Variants in RBBP8 observed in about 807,000 individuals in gnomAD.
RBBP8 encodes DNA endonuclease RBBP8.
In RBBP8, 88 loss-of-function variants were observed where a neutral mutation model predicts 108.3. The ratio of observed to expected loss-of-function variants is 0.81; its 90% CI spans 0.68 to 0.97. The LOEUF (loss-of-function observed/expected upper bound fraction) is 0.97. Among genes scored for constraint, RBBP8 ranks in the 50% least tolerant of loss-of-function variants. The pLI is 0.00. For synonymous variants in RBBP8, 332 were observed against 348.2 expected (o/e 0.95, Z 0.52); for missense variants, 1,023 against 1,049.0 (o/e 0.98, Z 0.34).
At chr18:22,975,801 C>G (rs944105557) in intron 6 of RBBP8, among the ~76,000 whole-genome samples, 5 of 152,064 alleles carry the variant, frequency 3.3e-5, no homozygotes, top group Non-Finnish European at 7.4e-5. Flanking sequence ...ACTTGCCTGT[C>G]GTCTTACAGC....
chr18:22,938,157 G>C (rs370106778), intron 2 of RBBP8, among the ~76,000 whole-genome samples: 1 of 151,900 alleles, frequency 6.6e-6, no homozygotes, highest in Non-Finnish European at 1.5e-5. Flanking sequence ...TTTGAGACAG[G>C]GTCTTGCTTT....
intron 18 of RBBP8, among the ~76,000 whole-genome samples, chr18:23,024,069 G>T (rs71360505): frequency 1.6e-5 from 2 of 127,534 alleles, no homozygotes; most frequent in Non-Finnish European, 3.2e-5. Context: ...TTTTCTAGTA[G>T]AGACGGGGTT....
At chr18:23,023,055 C>T (rs2046399294) in intron 18 of RBBP8, among the ~76,000 whole-genome samples, 1 of 151,728 alleles carries the variant, frequency 6.6e-6, no homozygotes. Flanking sequence ...TGCCGCCATA[C>T]CCAGCACTTT....
chr18:22,937,410 T>G (rs1261980574), intron 2 of RBBP8, among the ~76,000 whole-genome samples: 4 of 152,238 alleles, frequency 2.6e-5, no homozygotes, highest in African/African-American at 9.6e-5. Flanking sequence ...TTCCATGATG[T>G]ATATATACTT....
In RBBP8 at chr18:22,942,308, T is replaced by C. The variant is rs760750551; in HGVS notation, c.110-4136T>C. 4.5e-4 allele frequency among the ~76,000 whole-genome samples: 68 copies of C among 152,146 alleles called. 2 individuals are homozygous for C. The highest frequency in any genetic ancestry group is 1.6e-4 in the Non-Finnish European group (11 of 68,034). On this transcript the variant is annotated intron_variant, in intron 2 of 18. Coordinates refer to ENST00000327155, the MANE Select transcript of RBBP8 (RefSeq NM_002894.3). ...GTACCCATAGGAACTTGCTTGAATC[T>C]GAATGCTCTGCTACACGTGTTTAGA...
chr18:22,949,626 A>G lies in RBBP8; in HGVS notation c.161A>G (p.Gln54Arg). ...TATTTTTTGACCTTTAGAGATGCAC[A>G]AAGACTAGAAGAATTCTTCACCAAA... ...KLKQERILDA[Q>R]RLEEFFTKNQ... Residue 54 changes from glutamine (Q) to arginine (R), a missense_variant, in exon 4 of 19, where the codon CAA becomes CGA. Gln to Arg is a conservative substitution (Grantham distance 43, BLOSUM62 1). Coordinates refer to ENST00000327155, the MANE Select transcript of RBBP8 (RefSeq NM_002894.3). 6.2e-7 allele frequency: 1 copy of G among 1,610,552 alleles called. No homozygotes were observed. Among genetic ancestry groups the G allele is most frequent in the Non-Finnish European group, 8.5e-7 (1 of 1,177,234 alleles).
intron 1 of RBBP8, among the ~76,000 whole-genome samples, chr18:22,934,992 A>G (rs1598631135): frequency 1.3e-5 from 2 of 148,424 alleles, no homozygotes; most frequent in African/African-American, 2.4e-5. Context: ...TACAAATATT[A>G]ATATTAATAT....
At chr18:22,926,766 C>T (rs1346454878) in intron 3 of RBBP8, among the ~76,000 whole-genome samples, 1 of 152,182 alleles carries the variant, frequency 6.6e-6, no homozygotes, top group East Asian at 1.9e-4. Context: ...GGCCAGGCTA[C>T]ACGAGACTAA....
intron 12 of RBBP8, 147 bp from the exon 13 acceptor site, chr18:22,996,225 TGA>T (rs1451144108): frequency 6.9e-6 from 9 of 1,298,594 alleles, no homozygotes; most frequent in Non-Finnish European, 8.2e-6. Flanking sequence ...TATGGAGCTG[TGA>T]GAGTTCTTTA....
intron 2 of RBBP8, among the ~76,000 whole-genome samples, chr18:22,946,124 A>T (rs1023413049): frequency 2.6e-5 from 4 of 152,344 alleles, no homozygotes; most frequent in Middle Eastern, 3.4e-3. Flanking sequence ...CATTGCTGTT[A>T]GCAAATACAC....
At chr18:22,930,930 T>A (rs1910000795), upstream of RBBP8, among the ~76,000 whole-genome samples, 1 of 151,992 alleles carries the variant, frequency 6.6e-6, no homozygotes, top group Non-Finnish European at 1.5e-5. Context: ...AACCACTGTG[T>A]CCAGCTATTT....
intron 12 of RBBP8, among the ~76,000 whole-genome samples, chr18:22,995,030 T>C (rs1160308828): frequency 4.6e-5 from 7 of 152,120 alleles, no homozygotes. Context: ...CCCAGCCTGC[T>C]ATCTTTAAAA....
At chr18:22,951,932 C>G (rs1912082944) in intron 4 of RBBP8, among the ~76,000 whole-genome samples, 1 of 152,186 alleles carries the variant, frequency 6.6e-6, no homozygotes, top group South Asian at 2.1e-4. Flanking sequence ...AGTTGGGGTG[C>G]TGTCTTAACT....
intron 3 of RBBP8, among the ~76,000 whole-genome samples, chr18:22,924,990 C>A (rs1435839803): frequency 6.6e-6 from 1 of 151,810 alleles, no homozygotes; most frequent in African/African-American, 2.4e-5. Flanking sequence ...CTCAAGCAAT[C>A]CTCCCATCTT....
rs745779938 is a variant in RBBP8 at position 22,997,612 on chromosome 18, T to G, written c.2029-8T>G. The G allele has an allele frequency of 9.7e-6, 15 of 1,539,214 alleles. 2 individuals are homozygous for G. The South Asian group carries it at 1.8e-4, about 18-fold the overall frequency. On this transcript the variant is annotated splice_region_variant and splice_polypyrimidine_tract_variant and intron_variant, in intron 13 of 18. Coordinates refer to ENST00000327155, the MANE Select transcript of RBBP8 (RefSeq NM_002894.3). ...TTAAAATTTTTGATTTTTAAAATAT[T>G]TATTTAGGATGGCAGTCAGTCAAAA...
chr18:23,023,186 C>G (rs553849313), intron 18 of RBBP8, among the ~76,000 whole-genome samples: 12 of 152,082 alleles, frequency 7.9e-5, no homozygotes, highest in Non-Finnish European at 1.3e-4. Flanking sequence ...CCATGAGCCA[C>G]TGCACCCAGC....
rs796853895 is a variant in RBBP8, at chr18:22,966,719, C to CTT, written c.249-2066_249-2065dup. The stretch of plus-strand genomic sequence containing the variant: ...CCACAGACACTTAAATACTTACTAT[C>CTT]TTTTTTTTTTTTTTTTTTTTTTGGA... On this transcript the variant is annotated intron_variant, in intron 4 of 18. Coordinates refer to ENST00000327155, the MANE Select transcript of RBBP8 (RefSeq NM_002894.3). 5.9e-3 allele frequency among the ~76,000 whole-genome samples: 749 copies of CTT among 127,988 alleles called. 12 individuals carry two copies. The highest frequency in any genetic ancestry group is 0.013 in the Middle Eastern group (3 of 224). The allele number at this position is 127,988 out of a possible 152,430, so 84.0% of individuals were successfully genotyped here. A position where few individuals can be genotyped will look rare whatever the true frequency, so the allele number is the denominator to read the frequency against.
chr18:22,994,646 C>CA (rs201468478), intron 12 of RBBP8, among the ~76,000 whole-genome samples: 26,997 of 108,852 alleles, frequency 0.25, 2,915 homozygotes, highest in East Asian at 0.43. Flanking sequence ...GACTCCGTCT[C>CA]AAAAAAAAAA....
intron 17 of RBBP8, among the ~76,000 whole-genome samples, chr18:23,021,666 A>G (rs758793999): frequency 6.6e-6 from 1 of 152,192 alleles, no homozygotes; most frequent in Non-Finnish European, 1.5e-5. Context: ...AGCCGTAGAG[A>G]TAAGAAAATT....
Sources: allele counts gnomAD v4.1 joint callset (sites outside exome capture counted in the v4.1 genomes callset), GRCh38; gene constraint gnomAD v4.1.1; transcripts MANE v1.5; gene names NCBI Gene and HGNC (gene_info 2026-07-23, HGNC 2026-07-21).